The following SCO1 variants were observed in gnomAD, a reference collection of about 807,000 sequenced individuals.
SCO1 encodes the protein synthesis of cytochrome C oxidase 1.
Under a neutral mutation model 34.0 loss-of-function variants are expected in SCO1, and 23 were observed. The observed-to-expected ratio is 0.68, with a 90% CI of 0.49 to 0.96. The LOEUF (loss-of-function observed/expected upper bound fraction) is 0.96, where lower values mean the gene tolerates loss of function less well. Among genes scored for constraint, SCO1 ranks in the 40% least tolerant of loss-of-function variants. The pLI is 0.00. For missense variants in SCO1, 404 were observed against 381.6 expected (o/e 1.06, Z -0.49); for synonymous variants, 161 against 145.5 (o/e 1.11, Z -0.77).
rs1567571876 is a variant in SCO1, at chr17:10,678,421, G to A, written c.*2698C>T. 1 of 152,296 alleles carries A rather than the reference G, an allele frequency of 6.6e-6. No homozygotes were observed. Among genetic ancestry groups the A allele is most frequent in the East Asian group, 1.9e-4 (1 of 5,188 alleles). 9.4% of individuals were successfully genotyped at this position (152,296 alleles called of 1,614,324 possible). On this transcript the variant is annotated 3_prime_UTR_variant, in exon 6 of 6. Coordinates refer to ENST00000255390, the MANE Select transcript of SCO1 (RefSeq NM_004589.4). ...CCTTTAAACTTGACACTAGAATGAA[G>A]AACAAATAAAAGTTTTCTCCAAAAG...
In SCO1 at chr17:10,696,124, T is replaced by C. The variant is rs904503889; in HGVS notation, c.274-293A>G. 2.7e-5 allele frequency among the ~76,000 whole-genome samples: 4 copies of C among 147,556 alleles called. No homozygotes were observed. The East Asian group carries it at 8.1e-4, about 30-fold the overall frequency. ...CTCAAGTACCACGATTGTTACTATGTGTGACCCTAGCTCCAGTAATGACTT... is the reference window on the plus strand; with the variant it reads ...CTCAAGTACCACGATTGTTACTATGCGTGACCCTAGCTCCAGTAATGACTT... On this transcript the variant is annotated intron_variant, in intron 1 of 5. Transcript: ENST00000255390.
At position 10,686,810 on chromosome 17, in the gene SCO1, T is replaced by G. The variant is rs2074659597; in HGVS notation, c.688A>C (p.Thr230Pro). The G allele has an allele frequency of 7.4e-6, 12 of 1,613,910 alleles. No homozygotes were observed. The highest frequency in any genetic ancestry group is 1.0e-5 in the Non-Finnish European group (12 of 1,179,964). ...FSPKLVGLTG[T>P]REEVDQVARA... ...GCCACTTGATCGACCTCTTCTCTCG[T>G]GCCAGTCAAGCCAACCAGTTTGGGA... Residue 230 changes from threonine (T) to proline (P), a missense_variant, in exon 5 of 6, where the codon ACG becomes CCG. Thr to Pro is a conservative substitution (Grantham distance 38, BLOSUM62 -1). Transcript: ENST00000255390.
intron 5 of SCO1, among the ~76,000 whole-genome samples, chr17:10,685,215 G>C (rs1038967686): frequency 4.6e-5 from 7 of 152,192 alleles, no homozygotes; most frequent in African/African-American, 1.7e-4. Flanking sequence ...CTGGATCAGT[G>C]ACTCAGGGTC....
Position 10,691,948 on chromosome 17 carries a change from C to T in SCO1, c.579G>A (p.Leu193=). ...TGATGAAAAGTGGAGTTAGATCTGG[C>T]AGAGTTGTAATGCTATCTGAAAGAG... ...VVDEIDSITT[L]PDLTPLFISI... is the part of the protein sequence containing the mutation. The change falls in exon 4 of 6, where the codon CTG becomes CTA. Residue 193 remains leucine, a synonymous_variant. Transcript: ENST00000255390. 6.2e-7 allele frequency: 1 copy of T among 1,612,636 alleles called. No individual in the cohort carries two copies. Among genetic ancestry groups the T allele is most frequent in the Non-Finnish European group, 8.5e-7 (1 of 1,178,700 alleles).
intron 4 of SCO1, 27 bp from the exon 5 acceptor site, chr17:10,686,869 A>G (rs749010536): frequency 6.9e-7 from 1 of 1,447,052 alleles, no homozygotes; most frequent in Non-Finnish European, 9.7e-7. Context: ...AGAGACAGTG[A>G]AAAATGAGAA....
intron 5 of SCO1, among the ~76,000 whole-genome samples, chr17:10,684,803 A>C (rs2074645015): frequency 6.6e-6 from 1 of 152,218 alleles, no homozygotes; most frequent in African/African-American, 2.4e-5. Context: ...GAAGTCCGGA[A>C]AGTCCTTTTC....
At chr17:10,688,838 C>CTTTTCA (rs2074672579) in intron 4 of SCO1, among the ~76,000 whole-genome samples, 3 of 141,026 alleles carry the variant, frequency 2.1e-5, no homozygotes, top group African/African-American at 9.6e-5. Context: ...TTCTGCAGGC[C>CTTTTCA]GGGCGCGGTG....
At chr17:10,688,709 G>A (rs2074671804) in intron 4 of SCO1, among the ~76,000 whole-genome samples, 1 of 152,336 alleles carries the variant, frequency 6.6e-6, no homozygotes, top group East Asian at 1.9e-4. Flanking sequence ...AGCTTTATCT[G>A]TAACAGCCAA....
rs2074734998 is a variant in SCO1, at chr17:10,697,111, C to A, written c.273+124G>T. Reference sequence around the variant, plus strand: ...GAAATTCCATGACCCAGGTAAGGCGCGCAAGCTAAGGACAACTTTAGGGGA... The same window carrying A: ...GAAATTCCATGACCCAGGTAAGGCGAGCAAGCTAAGGACAACTTTAGGGGA... On this transcript the variant is annotated intron_variant, in intron 1 of 5. Coordinates refer to ENST00000255390, the MANE Select transcript of SCO1 (RefSeq NM_004589.4). The A allele has an allele frequency of 1.4e-5, 13 of 946,910 alleles. No homozygotes were observed. The South Asian group carries it at 2.3e-4, about 17-fold the overall frequency. The allele number at this position is 946,910 out of a possible 1,614,324, so 58.7% of individuals were successfully genotyped here.
In SCO1 at chr17:10,696,077, A is replaced by AAAAT. The variant is rs1487237311; in HGVS notation, c.274-247_274-246insATTT. ...TCAGTTCTCTTCATGTAAATAAAAA[A>AAAAT]AAAAAAAAAAAAAAAAAAAAGCTCA... On this transcript the variant is annotated intron_variant, in intron 1 of 5. Coordinates refer to ENST00000255390, the MANE Select transcript of SCO1 (RefSeq NM_004589.4). Among the ~76,000 whole-genome samples the AAAAT allele has an allele frequency of 2.7e-5, 4 of 149,418 alleles. 1 individual carries two copies. Among genetic ancestry groups the AAAAT allele is most frequent in the Non-Finnish European group, 4.5e-5 (3 of 67,166 alleles).
chr17:10,691,281 T>C lies in SCO1; in HGVS notation c.655+591A>G, dbSNP rs554084864. Among the ~76,000 whole-genome samples the C allele has an allele frequency of 3.3e-5, 5 of 152,194 alleles. No individual in the cohort carries two copies. In the South Asian group the frequency reaches 1.0e-3, roughly 32 times the overall value. On this transcript the variant is annotated intron_variant, in intron 4 of 5. Transcript: ENST00000255390. Reference sequence around the variant, plus strand: ...GATTATAGGTGTGCACCACCGTGCCTGGCTAATTTTTGTATTTTTAGTAGA... The same window carrying C: ...GATTATAGGTGTGCACCACCGTGCCCGGCTAATTTTTGTATTTTTAGTAGA...
intron 1 of SCO1, among the ~76,000 whole-genome samples, chr17:10,696,315 G>C (rs1156599759): frequency 1.3e-5 from 2 of 151,950 alleles, no homozygotes; most frequent in Admixed American, 1.3e-4. Flanking sequence ...CGTGGTAGCG[G>C]ACCCCTCTAA....
Position 10,678,225 on chromosome 17 carries a change from A to C in SCO1, c.*2894T>G, listed in dbSNP as rs2151449879. 1 of 152,376 alleles carries C rather than the reference A, an allele frequency of 6.6e-6. No homozygotes were observed. Among genetic ancestry groups the C allele is most frequent in the South Asian group, 2.1e-4 (1 of 4,832 alleles). The allele number at this position is 152,376 out of a possible 1,614,324, so 9.4% of individuals were successfully genotyped here. A position where few individuals can be genotyped will look rare whatever the true frequency, so the allele number is the denominator to read the frequency against. On this transcript the variant is annotated 3_prime_UTR_variant, in exon 6 of 6. Transcript: ENST00000255390. ...ACCTCCGTTTTGGTTGGATTCACAC[A>C]GTCACCATAAGCGCACGATAGCAGC... is the stretch of plus-strand genomic sequence containing the variant.
In SCO1 at chr17:10,680,093, A is replaced by G. The variant is rs1230489569; in HGVS notation, c.*1026T>C. On this transcript the variant is annotated 3_prime_UTR_variant, in exon 6 of 6. Transcript: ENST00000255390. ...ATTGTGCCAGGCAAGTTATTTCCCCAAAAAACACTTTCTTAAGGGATGGTC... is the reference window on the plus strand; with the variant it reads ...ATTGTGCCAGGCAAGTTATTTCCCCGAAAAACACTTTCTTAAGGGATGGTC... 6.6e-6 allele frequency: 1 copy of G among 152,256 alleles called. No individual in the cohort carries two copies. The highest frequency in any genetic ancestry group is 6.6e-5 in the Admixed American group (1 of 15,262). The allele number at this position is 152,256 out of a possible 1,614,324, so 9.4% of individuals were successfully genotyped here.
intron 5 of SCO1, among the ~76,000 whole-genome samples, chr17:10,686,475 G>T (rs1346312214): frequency 6.6e-6 from 1 of 151,260 alleles, no homozygotes; most frequent in Non-Finnish European, 1.5e-5. Flanking sequence ...CCAGCTACTC[G>T]GGAGGCTGAC....
Position 10,676,931 on chromosome 17 carries a change from G to T in SCO1, c.*4188C>A, listed in dbSNP as rs1447303108. On this transcript the variant is annotated 3_prime_UTR_variant, in exon 6 of 6. Transcript: ENST00000255390. ...TATTAAGGAATATGTGGCTAAAGAGGCTATTACTTGAATCTTGTTAATGAA... is the reference window on the plus strand; with the variant it reads ...TATTAAGGAATATGTGGCTAAAGAGTCTATTACTTGAATCTTGTTAATGAA... 1 of 152,166 alleles carries T rather than the reference G, an allele frequency of 6.6e-6. No homozygotes were observed. Among genetic ancestry groups the T allele is most frequent in the Non-Finnish European group, 1.5e-5 (1 of 68,028 alleles). 9.4% of individuals were successfully genotyped at this position (152,166 alleles called of 1,614,324 possible). A position where few individuals can be genotyped will look rare whatever the true frequency, so the allele number is the denominator to read the frequency against.
In SCO1 at chr17:10,676,448, T is replaced by C. The variant is rs989531865; in HGVS notation, c.*4671A>G. ...CTCTTTCAGAGGCACATGCTGGGAA[T>C]GGGCTGGGGTGGCAGTGGGTGGGGG... On this transcript the variant is annotated 3_prime_UTR_variant, in exon 6 of 6. Coordinates refer to ENST00000255390, the MANE Select transcript of SCO1 (RefSeq NM_004589.4). The C allele has an allele frequency of 2.6e-5, 4 of 152,094 alleles. No homozygotes were observed. The highest frequency in any genetic ancestry group is 4.4e-5 in the Non-Finnish European group (3 of 68,024). 9.4% of individuals were successfully genotyped at this position (152,094 alleles called of 1,614,324 possible).
chr17:10,690,341 A>G (rs916917497), intron 4 of SCO1, among the ~76,000 whole-genome samples: 1 of 152,236 alleles, frequency 6.6e-6, no homozygotes, highest in Admixed American at 6.5e-5. Context: ...TCATCTCAAC[A>G]CCAAAAAGAC....
intron 4 of SCO1, among the ~76,000 whole-genome samples, chr17:10,687,664 C>A (rs1196343927): frequency 6.6e-6 from 1 of 152,212 alleles, no homozygotes; most frequent in African/African-American, 2.4e-5. Context: ...CCTGAGTTAG[C>A]TGCACATTCA....
Sources: gnomAD v4.1 joint callset for allele counts (sites outside exome capture counted in the v4.1 genomes callset) on GRCh38, gnomAD v4.1.1 for gene constraint, MANE v1.5 for transcripts, NCBI Gene and HGNC (gene_info 2026-07-23, HGNC 2026-07-21) for gene names.